The following TASP1 variants were observed in gnomAD, a reference collection of about 807,000 sequenced individuals.
The protein encoded by TASP1 is threonine aspartase 1.
TASP1 carries 16 observed loss-of-function variants against 56.6 expected under a neutral mutation model. The observed-to-expected ratio is 0.28, with a 90% CI of 0.19 to 0.43. The LOEUF (loss-of-function observed/expected upper bound fraction) is 0.43, where lower values mean the gene tolerates loss of function less well. Ranked by LOEUF, TASP1 falls within the 20% of genes least tolerant of loss-of-function variation. The pLI is 1.00. For synonymous variants in TASP1, 179 were observed against 184.2 expected, an observed-to-expected ratio of 0.97 and a Z score of 0.23; for missense variants, 393 against 511.6, an observed-to-expected ratio of 0.77 and a Z score of 2.24.
chr20:13,544,629 G>A (rs956240859), intron 8 of TASP1, among the ~76,000 whole-genome samples: 1 of 152,304 alleles, frequency 6.6e-6, no homozygotes, highest in Non-Finnish European at 1.5e-5. Context: ...CTAAGACCTT[G>A]CTAATTATTA....
the TASP1 span, among the ~76,000 whole-genome samples, chr20:13,149,754 G>A: frequency 6.6e-6 from 1 of 152,236 alleles, no homozygotes. Flanking sequence ...GGATCTGGAA[G>A]CAGGGAAATG....
chr20:13,525,270 G>A (rs754590476), intron 10 of TASP1, among the ~76,000 whole-genome samples: 19 of 152,146 alleles, frequency 1.2e-4, no homozygotes, highest in Non-Finnish European at 2.5e-4. Context: ...ATATTATTCT[G>A]GTTTTACAAA....
intron 12 of TASP1, among the ~76,000 whole-genome samples, chr20:13,420,667 G>C (rs977500581): frequency 6.6e-6 from 1 of 152,206 alleles, no homozygotes; most frequent in African/African-American, 2.4e-5. Flanking sequence ...AGACTTCAGG[G>C]AAGCAGGACA....
the TASP1 span, among the ~76,000 whole-genome samples, chr20:13,200,135 T>C: frequency 2.0e-5 from 3 of 152,230 alleles, no homozygotes; most frequent in Non-Finnish European, 4.4e-5. Context: ...ACTTTCCACA[T>C]CTGATTCCTT....
chr20:13,110,444 G>A, the TASP1 span, among the ~76,000 whole-genome samples: 1 of 152,300 alleles, frequency 6.6e-6, no homozygotes, highest in Non-Finnish European at 1.5e-5. Context: ...GCTTGTGAAG[G>A]CTTCCTCAGA....
the TASP1 span, among the ~76,000 whole-genome samples, chr20:13,138,272 G>A: frequency 2.0e-5 from 3 of 152,272 alleles, no homozygotes; most frequent in South Asian, 4.1e-4. Flanking sequence ...TTCAGCATCA[G>A]CTTTGGCCAC....
At chr20:13,148,034 T>C in the TASP1 span, among the ~76,000 whole-genome samples, 1 of 152,142 alleles carries the variant, frequency 6.6e-6, no homozygotes, top group East Asian at 1.9e-4. Context: ...ATGCATTCTC[T>C]TTTTTTGCAT....
intron 9 of TASP1, among the ~76,000 whole-genome samples, chr20:13,533,133 A>T (rs562390144): frequency 6.6e-6 from 1 of 152,330 alleles, no homozygotes; most frequent in South Asian, 2.1e-4. Flanking sequence ...AATAGTCACT[A>T]ACCATCATGA....
chr20:13,221,871 G>T, the TASP1 span: 1 of 1,414,434 alleles, frequency 7.1e-7, no homozygotes, highest in Non-Finnish European at 9.2e-7. Context: ...GCCGCCGACG[G>T]GCCCGACGCG....
chr20:13,479,929 A>T (rs1163436698), intron 11 of TASP1, among the ~76,000 whole-genome samples: 1 of 152,212 alleles, frequency 6.6e-6, no homozygotes, highest in African/African-American at 2.4e-5. Context: ...TTAAGAATAA[A>T]GAGATTTGTC....
At chr20:13,309,344 T>C in the TASP1 span, among the ~76,000 whole-genome samples, 1 of 151,428 alleles carries the variant, frequency 6.6e-6, no homozygotes, top group Non-Finnish European at 1.5e-5. Context: ...TCTCAAGAGA[T>C]GAAGAGAGTA....
the TASP1 span, chr20:13,238,959 C>T: frequency 2.0e-5 from 3 of 152,256 alleles, no homozygotes; most frequent in Non-Finnish European, 4.4e-5. Flanking sequence ...GCTCCCCTCA[C>T]TGGTACATTC....
intron 11 of TASP1, 41 bp from the exon 12 acceptor site, chr20:13,435,195 A>C: frequency 7.0e-7 from 1 of 1,436,222 alleles, no homozygotes; most frequent in Non-Finnish European, 9.4e-7. Flanking sequence ...AGTGAATTTT[A>C]CTTTTTAAAT....
chr20:13,190,246 T>A, the TASP1 span, among the ~76,000 whole-genome samples: 1 of 152,096 alleles, frequency 6.6e-6, no homozygotes. Context: ...ACACAATATA[T>A]CCATGTAATA....
chr20:13,586,288 A>C (rs1156654436), intron 5 of TASP1, among the ~76,000 whole-genome samples: 1 of 152,108 alleles, frequency 6.6e-6, no homozygotes, highest in African/African-American at 2.4e-5. Context: ...TCATATGCCC[A>C]TTAAGAGGAG....
the TASP1 span, among the ~76,000 whole-genome samples, chr20:13,139,818 T>A: frequency 6.6e-6 from 1 of 152,206 alleles, no homozygotes; most frequent in South Asian, 2.1e-4. Context: ...AAATAAACTC[T>A]TGACCCGGAA....
the TASP1 span, among the ~76,000 whole-genome samples, chr20:13,121,383 G>A: frequency 3.9e-5 from 6 of 152,178 alleles, no homozygotes; most frequent in Non-Finnish European, 7.3e-5. Flanking sequence ...CTGCACACTA[G>A]GCCCTGGCTG....
intron 12 of TASP1, among the ~76,000 whole-genome samples, chr20:13,430,526 C>T (rs139657343): frequency 4.1e-4 from 62 of 152,298 alleles, no homozygotes; most frequent in African/African-American, 1.4e-3. Context: ...GCTTGAGTGT[C>T]CTCATGACAT....
the TASP1 span, among the ~76,000 whole-genome samples, chr20:13,286,325 TG>T: frequency 5.8e-3 from 877 of 151,992 alleles, 9 homozygotes; most frequent in African/African-American, 0.02. Context: ...AAGTTCTCGG[TG>T]GGAGCAGCGA....
Sources: allele counts gnomAD v4.1 joint callset (sites outside exome capture counted in the v4.1 genomes callset), GRCh38; gene constraint gnomAD v4.1.1; transcripts MANE v1.5; gene names NCBI Gene and HGNC (gene_info 2026-07-23, HGNC 2026-07-21).